SUGCT: variants seen among roughly 807,000 people sequenced by gnomAD.
SUGCT encodes the protein succinyl-CoA:glutarate CoA-transferase.
A neutral mutation model predicts 55.0 loss-of-function variants in SUGCT; 41 were observed. The observed-to-expected ratio is 0.74, with a 90% CI of 0.58 to 0.97. SUGCT has a LOEUF of 0.97. Ranked by LOEUF, SUGCT falls within the 50% of genes least tolerant of loss-of-function variation. The pLI, the probability that SUGCT is intolerant of heterozygous loss-of-function variation, is 0.00. For synonymous variants in SUGCT, 187 were observed against 200.4 expected, an observed-to-expected ratio of 0.93 and a Z score of 0.56; for missense variants, 568 against 547.8, an observed-to-expected ratio of 1.04 and a Z score of -0.37.
intron 12 of SUGCT, among the ~76,000 whole-genome samples, chr7:40,577,583 T>A (rs887213712): frequency 7.9e-5 from 12 of 152,284 alleles, no homozygotes; most frequent in Admixed American, 5.2e-4. Context: ...AAACTCTCTA[T>A]CTCACACCTC....
chr7:40,353,817 A>G (rs992090006), intron 9 of SUGCT, among the ~76,000 whole-genome samples: 2 of 152,032 alleles, frequency 1.3e-5, no homozygotes, highest in African/African-American at 4.8e-5. Context: ...TTTTTTTTCC[A>G]CTTGTCACTT....
chr7:40,724,986 A>G (rs1289275241), intron 12 of SUGCT, among the ~76,000 whole-genome samples: 5 of 152,194 alleles, frequency 3.3e-5, no homozygotes, highest in African/African-American at 1.2e-4. Flanking sequence ...AAGCTCTAGA[A>G]GTACTCAAAA....
intron 12 of SUGCT, among the ~76,000 whole-genome samples, chr7:40,531,668 A>T (rs909097269): frequency 6.6e-6 from 1 of 151,156 alleles, no homozygotes; most frequent in Admixed American, 6.6e-5. Flanking sequence ...ATGTATATAT[A>T]TTTTTTTATT....
chr7:40,887,318 T>C, the SUGCT span, among the ~76,000 whole-genome samples: 1 of 152,062 alleles, frequency 6.6e-6, no homozygotes, highest in African/African-American at 2.4e-5. Flanking sequence ...CTGTGTTGGG[T>C]AGGAAAAGGT....
intron 12 of SUGCT, among the ~76,000 whole-genome samples, chr7:40,701,121 C>G (rs543200215): frequency 6.6e-6 from 1 of 152,328 alleles, no homozygotes; most frequent in African/African-American, 2.4e-5. Context: ...CTTCCTCCCC[C>G]TCCAGAGATT....
intron 7 of SUGCT, among the ~76,000 whole-genome samples, chr7:40,239,028 C>T (rs1215096420): frequency 1.3e-5 from 2 of 152,056 alleles, no homozygotes; most frequent in Non-Finnish European, 1.5e-5. Flanking sequence ...ACCGTCTTGA[C>T]CAGGCTGGTC....
intron 12 of SUGCT, among the ~76,000 whole-genome samples, chr7:40,678,621 G>A (rs1015695643): frequency 6.6e-6 from 1 of 152,104 alleles, no homozygotes; most frequent in African/African-American, 2.4e-5. Flanking sequence ...AAAATCATAA[G>A]CAAAATTCCA....
intron 12 of SUGCT, among the ~76,000 whole-genome samples, chr7:40,691,785 C>T (rs1490208828): frequency 6.6e-6 from 1 of 152,102 alleles, no homozygotes; most frequent in Non-Finnish European, 1.5e-5. Flanking sequence ...TCTAAAGTTT[C>T]AACAACCGCC....
At chr7:40,407,038 A>G (rs1414575712) in intron 9 of SUGCT, among the ~76,000 whole-genome samples, 1 of 152,206 alleles carries the variant, frequency 6.6e-6, no homozygotes, top group Non-Finnish European at 1.5e-5. Flanking sequence ...AAAAACTTAA[A>G]TACATTTTTT....
At chr7:40,747,416 C>T (rs1381734761) in intron 12 of SUGCT, among the ~76,000 whole-genome samples, 3 of 152,132 alleles carry the variant, frequency 2.0e-5, no homozygotes, top group African/African-American at 2.4e-5. Context: ...GCTCTCTCTC[C>T]GAGTTTAACA....
chr7:40,961,251 A>G, the SUGCT span, among the ~76,000 whole-genome samples: 5 of 152,316 alleles, frequency 3.3e-5, no homozygotes, highest in East Asian at 9.6e-4. Flanking sequence ...CTGCTCATCC[A>G]TATGTAGGCC....
chr7:41,024,588 C>T, the SUGCT span, among the ~76,000 whole-genome samples: 2 of 148,690 alleles, frequency 1.3e-5, no homozygotes, highest in South Asian at 2.1e-4. Flanking sequence ...TGAAAAGACA[C>T]GTAATCTCAT....
chr7:41,025,442 T>G, the SUGCT span, among the ~76,000 whole-genome samples: 1 of 151,982 alleles, frequency 6.6e-6, no homozygotes, highest in East Asian at 1.9e-4. Context: ...TGATCTCAGC[T>G]CACTGCAACC....
chr7:40,559,961 G>A (rs938352487), intron 12 of SUGCT, among the ~76,000 whole-genome samples: 4 of 152,166 alleles, frequency 2.6e-5, no homozygotes, highest in South Asian at 2.1e-4. Context: ...ATCTGGATAG[G>A]CAATGATATA....
intron 12 of SUGCT, among the ~76,000 whole-genome samples, chr7:40,659,954 G>T (rs919707246): frequency 6.6e-6 from 1 of 152,146 alleles, no homozygotes; most frequent in Non-Finnish European, 1.5e-5. Context: ...TGGAGTTATG[G>T]TTGGTGTGTG....
the SUGCT span, among the ~76,000 whole-genome samples, chr7:41,007,823 C>CCA: frequency 3.8e-5 from 4 of 104,292 alleles, no homozygotes; most frequent in African/African-American, 7.2e-5. Context: ...AACTGAAATC[C>CCA]AAAAAAAAAA....
At chr7:40,326,544 AAAG>A (rs1366340425) in intron 9 of SUGCT, among the ~76,000 whole-genome samples, 1 of 152,164 alleles carries the variant, frequency 6.6e-6, no homozygotes, top group Non-Finnish European at 1.5e-5. Flanking sequence ...TTAGAGAAGA[AAAG>A]AGGGCAACAC....
intron 12 of SUGCT, among the ~76,000 whole-genome samples, chr7:40,666,046 C>T (rs1801612229): frequency 6.6e-6 from 1 of 151,978 alleles, no homozygotes; most frequent in South Asian, 2.1e-4. Context: ...AGAACTGCTT[C>T]TTGTGGCCGG....
At chr7:40,779,057 C>T (rs1653507671) in intron 13 of SUGCT, among the ~76,000 whole-genome samples, 1 of 152,044 alleles carries the variant, frequency 6.6e-6, no homozygotes, top group Non-Finnish European at 1.5e-5. Flanking sequence ...GCTCAGGAGT[C>T]TGGGGTCTGA....
Sources: gnomAD v4.1 joint callset for allele counts (sites outside exome capture counted in the v4.1 genomes callset) on GRCh38, gnomAD v4.1.1 for gene constraint, MANE v1.5 for transcripts, NCBI Gene and HGNC (gene_info 2026-07-23, HGNC 2026-07-21) for gene names.